SCEL: variants seen among roughly 807,000 people sequenced by gnomAD.
SCEL encodes sciellin.
Under a neutral mutation model 117.6 loss-of-function variants are expected in SCEL, and 113 were observed. The ratio of observed to expected loss-of-function variants is 0.96; its 90% CI spans 0.83 to 1.12. The LOEUF is 1.12. SCEL is among the 50% of genes most tolerant of loss of function. The pLI, the probability that SCEL is intolerant of heterozygous loss-of-function variation, is 0.00. For missense variants in SCEL, 785 were observed against 810.8 expected, an observed-to-expected ratio of 0.97 and a Z score of 0.39; for synonymous variants, 270 against 256.2, an observed-to-expected ratio of 1.05 and a Z score of -0.51.
chr13:77,585,348 G>A (rs2086500769), intron 9 of SCEL, among the ~76,000 whole-genome samples: 1 of 152,188 alleles, frequency 6.6e-6, no homozygotes, highest in African/African-American at 2.4e-5. Flanking sequence ...TGAAGGGCAA[G>A]GAGAGAATTT....
At chr13:77,614,650 A>G (rs1263832522) in intron 24 of SCEL, among the ~76,000 whole-genome samples, 2 of 152,168 alleles carry the variant, frequency 1.3e-5, no homozygotes, top group Admixed American at 1.3e-4. Context: ...GATGGAGGGA[A>G]TGAACCTTAA....
intron 9 of SCEL, among the ~76,000 whole-genome samples, chr13:77,579,151 C>T (rs1446005465): frequency 6.6e-6 from 1 of 152,172 alleles, no homozygotes; most frequent in Non-Finnish European, 1.5e-5. Context: ...ATGAATTTTA[C>T]TTCCTCCCGA....
At chr13:77,581,006 A>C (rs1333686650) in intron 9 of SCEL, among the ~76,000 whole-genome samples, 1 of 152,230 alleles carries the variant, frequency 6.6e-6, no homozygotes, top group Non-Finnish European at 1.5e-5. Flanking sequence ...CTGTAACTAT[A>C]AATGGTAAAA....
intron 27 of SCEL, among the ~76,000 whole-genome samples, 157 bp from the exon 28 acceptor site, chr13:77,627,790 A>G (rs753959253): frequency 2.2e-4 from 33 of 152,020 alleles, no homozygotes; most frequent in Non-Finnish European, 4.3e-4. Flanking sequence ...AGTTGTATGG[A>G]TCAAATAGCT....
intron 1 of SCEL, among the ~76,000 whole-genome samples, chr13:77,555,022 C>T (rs1057324026): frequency 3.9e-5 from 6 of 152,068 alleles, no homozygotes; most frequent in African/African-American, 1.4e-4. Context: ...TAATTTCTTT[C>T]AATCACAAGA....
chr13:77,642,336 G>C (rs758872999), intron 31 of SCEL, among the ~76,000 whole-genome samples: 1 of 152,108 alleles, frequency 6.6e-6, no homozygotes, highest in Non-Finnish European at 1.5e-5. Context: ...CTGAAGCAGC[G>C]GTCAGCCCTT....
At chr13:77,567,555 T>C in intron 5 of SCEL, 125 bp from the exon 6 acceptor site, 1 of 671,428 alleles carries the variant, frequency 1.5e-6, no homozygotes. Flanking sequence ...AATGTAACAC[T>C]TGAAAAATAG....
At chr13:77,631,681 GA>G (rs151084627) in intron 28 of SCEL, among the ~76,000 whole-genome samples, 3,181 of 152,302 alleles carry the variant, frequency 0.021, 93 homozygotes, top group African/African-American at 0.072. Context: ...TCTACATGAG[GA>G]GCAAAATCCA....
chr13:77,616,244 A>G (rs1166873738), intron 24 of SCEL, among the ~76,000 whole-genome samples: 2 of 152,180 alleles, frequency 1.3e-5, no homozygotes, highest in East Asian at 3.9e-4. Context: ...CATAAATATT[A>G]TCTGTGGTTA....
chr13:77,635,717 T>A (rs2090246022), intron 29 of SCEL, among the ~76,000 whole-genome samples: 1 of 152,244 alleles, frequency 6.6e-6, no homozygotes, highest in South Asian at 2.1e-4. Flanking sequence ...AGCATACTTA[T>A]TTTATTATGA....
intron 5 of SCEL, among the ~76,000 whole-genome samples, chr13:77,564,239 T>C (rs867872038): frequency 6.6e-6 from 1 of 152,004 alleles, no homozygotes; most frequent in Non-Finnish European, 1.5e-5. Context: ...TTCCAACATT[T>C]GGTTCTTCCA....
Position 77,613,674 on chromosome 13 carries a change from C to T in SCEL, c.1389-219C>T, listed in dbSNP as rs939061897. ...CCTTAATCCCTCTGAAATGCAATAT[C>T]TTTGTTTATAAAGGCTGTGGGGGTG... On this transcript the variant is annotated intron_variant, in intron 23 of 32. Transcript: ENST00000349847. Among the ~76,000 whole-genome samples, 6 of 151,072 alleles carry T rather than the reference C, an allele frequency of 4.0e-5. No individual in the cohort carries two copies. The East Asian group carries it at 9.7e-4, about 24-fold the overall frequency.
intron 11 of SCEL, among the ~76,000 whole-genome samples, chr13:77,592,082 GTC>G (rs2154400257): frequency 6.6e-6 from 1 of 152,022 alleles, no homozygotes; most frequent in East Asian, 1.9e-4. Context: ...AATTTTATAG[GTC>G]TATCAATATG....
chr13:77,642,571 C>T (rs1317987838), intron 31 of SCEL, 135 bp from the exon 32 acceptor site: 2 of 526,020 alleles, frequency 3.8e-6, no homozygotes, highest in African/African-American at 1.9e-5. Context: ...ATCTACTCCA[C>T]TGTGAGTGAA....
At chr13:77,555,803 T>C (rs1437282102) in intron 1 of SCEL, 54 bp from the exon 2 acceptor site, 1 of 1,158,070 alleles carries the variant, frequency 8.6e-7, no homozygotes, top group African/African-American at 1.5e-5. Context: ...AACAGTCACT[T>C]ACAGGTTCTC....
At chr13:77,637,758 T>C (rs2090374208) in intron 30 of SCEL, among the ~76,000 whole-genome samples, 1 of 152,178 alleles carries the variant, frequency 6.6e-6, no homozygotes, top group South Asian at 2.1e-4. Flanking sequence ...CCTTCTTGGC[T>C]TACAAACAGC....
At chr13:77,593,295 T>TGTGTGTGTGCGTGC (rs796907419) in intron 11 of SCEL, among the ~76,000 whole-genome samples, 2 of 136,784 alleles carry the variant, frequency 1.5e-5, no homozygotes, top group Admixed American at 7.1e-5. Context: ...TGTGTGTGTG[T>TGTGTGTGTGCGTGC]GTCTGTGTGT....
intron 1 of SCEL, among the ~76,000 whole-genome samples, chr13:77,553,873 A>G (rs1018878972): frequency 6.6e-6 from 1 of 152,152 alleles, no homozygotes; most frequent in African/African-American, 2.4e-5. Flanking sequence ...AGCTAATAAC[A>G]TACCTAAGGT....
In SCEL at chr13:77,604,344, C is replaced by T; in HGVS notation, c.1098-12C>T. ...TAACATCATTCATTAAAATTAATTT[C>T]CTTTTTCAAAGAAAAAAAGACCTTG... On this transcript the variant is annotated splice_polypyrimidine_tract_variant and intron_variant, in intron 18 of 32. Coordinates refer to ENST00000349847, the MANE Select transcript of SCEL (RefSeq NM_144777.3). 6.7e-7 allele frequency: 1 copy of T among 1,495,742 alleles called. No homozygotes were observed. Among genetic ancestry groups the T allele is most frequent in the Non-Finnish European group, 9.1e-7 (1 of 1,102,438 alleles). 92.7% of individuals were successfully genotyped at this position (1,495,742 alleles called of 1,614,324 possible). A position where few individuals can be genotyped will look rare whatever the true frequency, so the allele number is the denominator to read the frequency against.
Sources: gnomAD v4.1 joint callset for allele counts (sites outside exome capture counted in the v4.1 genomes callset) on GRCh38, gnomAD v4.1.1 for gene constraint, MANE v1.5 for transcripts, NCBI Gene and HGNC (gene_info 2026-07-23, HGNC 2026-07-21) for gene names.